The following TTN variants were observed in gnomAD, a reference collection of about 807,000 sequenced individuals.
TTN encodes the protein titin.
Under a neutral mutation model 3,223.0 loss-of-function variants are expected in TTN, and 1,525 were observed. The ratio of observed to expected loss-of-function variants is 0.47; its 90% confidence interval spans 0.45 to 0.49. The LOEUF (loss-of-function observed/expected upper bound fraction) is 0.49, where lower values mean the gene tolerates loss of function less well. TTN is among the 20% of genes least tolerant of loss of function. The probability of loss-of-function intolerance (pLI) is 0.00; values close to 1 mark genes in which losing one functional copy is unlikely to be tolerated. For synonymous variants in TTN, 14,094 were observed against 15,161.0 expected, an observed-to-expected ratio of 0.93 and a Z score of 5.17; for missense variants, 40,786 against 43,424.0, an observed-to-expected ratio of 0.94 and a Z score of 5.40.
rs72648982 is a variant in TTN, at chr2:178,718,126, T to C, written c.24880A>G (p.Arg8294Gly). 0.027 allele frequency: 44,063 copies of C among 1,611,002 alleles called. 671 individuals are homozygous for C. The highest frequency in any genetic ancestry group is 0.052 in the Middle Eastern group (314 of 6,056). ...QCKVDGTPEI[R>G]ISWYKEHTKL... is the part of the protein sequence containing the mutation. ...GTGTGTTCTTTATACCAAGAAATTC[T>C]AATTTCTGGAGTTCCATCCACTTTA... Residue 8294 changes from arginine to glycine, a missense_variant, in exon 86 of 363, where the codon AGA becomes GGA. Arg to Gly is a moderately radical substitution (Grantham distance 125). Coordinates refer to ENST00000589042, the MANE Select transcript of TTN (RefSeq NM_001267550.2).
rs1026649081 is a variant in TTN, at chr2:178,574,588, A to C, written c.71544T>G (p.His23848Gln). ...VTKDSMTISW[H>Q]EPLSDGGSPI... ...GGCTTCCACCATCAGAAAGTGGCTC[A>C]TGCCAGCTAATTGTCATTGAATCCT... The change falls in exon 326 of 363, where the codon CAT becomes CAG. Residue 23848 changes from histidine (H) to glutamine (Q), a missense_variant. Physicochemically the swap from His to Gln is conservative, Grantham distance 24 (BLOSUM62 0). Coordinates refer to ENST00000589042, the MANE Select transcript of TTN (RefSeq NM_001267550.2). 4.3e-6 allele frequency: 7 copies of C among 1,613,354 alleles called. No homozygotes were observed. The African/African-American group carries it at 8.0e-5, about 18-fold the overall frequency.
At position 178,571,202 on chromosome 2, in the gene TTN, A is replaced by G. The variant is rs1156726146; in HGVS notation, c.74930T>C (p.Val24977Ala). ...KFKTTGLEEG[V>A]EYEFRVSAEN... ...TGCAGAGACTCTAAATTCATATTCA[A>G]CACCTTCTTCAAGGCCAGTTGTCTT... The change falls in exon 326 of 363, where the codon GTT (valine) becomes GCT (alanine). Residue 24977 changes from valine to alanine, a missense_variant. Val to Ala is a moderately conservative substitution (Grantham distance 64). Transcript: ENST00000589042. 3 of 1,613,502 alleles carry G rather than the reference A, an allele frequency of 1.9e-6. No homozygotes were observed. Among genetic ancestry groups the G allele is most frequent in the African/African-American group, 2.7e-5 (2 of 74,986 alleles).
In TTN at chr2:178,692,019, T is replaced by C; in HGVS notation, c.31759A>G (p.Lys10587Glu). 1 of 1,611,860 alleles carries C rather than the reference T, an allele frequency of 6.2e-7. No homozygotes were observed. The highest frequency in any genetic ancestry group is 2.2e-5 in the East Asian group (1 of 44,858). Residue 10587 changes from lysine (K) to glutamate (E), a missense_variant, in exon 121 of 363, where the codon AAA becomes GAA. Lys to Glu is a moderately conservative substitution (Grantham distance 56). Coordinates refer to ENST00000589042, the MANE Select transcript of TTN (RefSeq NM_001267550.2). ...VPKKEPAAPP[K>E]VPEVPKKPVP... ...CCCATCATTGGCTCTGGCGTACCTT[T>C]TGGGGGAGCAGCAGGTTCCTTCTTA... is the stretch of plus-strand genomic sequence containing the variant.
At chr2:178,642,210 T>G in intron 219 of TTN, 27 bp downstream of exon 219, 1 of 1,549,800 alleles carries the variant, frequency 6.5e-7, no homozygotes, top group Non-Finnish European at 8.7e-7. Flanking sequence ...TACTTAACGC[T>G]GACAGAATGG....
Position 178,674,374 on chromosome 2 carries a change from CT to C in TTN, c.34647del (p.Glu11550LysfsTer10). Reference sequence around the variant, plus strand: ...CTAGGTGGTTCTTCTGGGATTTCTTCTTCTGAAATAGGCTCTTCTTCAGGCT... The same window carrying C: ...CTAGGTGGTTCTTCTGGGATTTCTTCTCTGAAATAGGCTCTTCTTCAGGCT... ...TEEPEEEPIS[E>X]EEIPEEPPSI... is the part of the protein sequence containing the mutation. On this transcript the variant is annotated frameshift_variant, in exon 151 of 363. Transcript: ENST00000589042. LOFTEE classifies it high-confidence loss of function. The C allele has an allele frequency of 6.3e-7, 1 of 1,595,284 alleles. No homozygotes were observed. Among genetic ancestry groups the C allele is most frequent in the Admixed American group, 1.7e-5 (1 of 58,756 alleles).
intron 37 of TTN, 65 bp downstream of exon 37, chr2:178,769,614 G>A (rs2091145360): frequency 1.5e-6 from 2 of 1,306,736 alleles, no homozygotes; most frequent in South Asian, 3.4e-5. Context: ...GAATATCAAT[G>A]AATCTACTGA....
chr2:178,619,680 T>G lies in TTN; in HGVS notation c.46637A>C (p.Gln15546Pro), dbSNP rs2057979047. 6.2e-7 allele frequency: 1 copy of G among 1,612,174 alleles called. No individual in the cohort carries two copies. Among genetic ancestry groups the G allele is most frequent in the Admixed American group, 1.7e-5 (1 of 59,858 alleles). ...LQICDIKPRDQGEYRFIAKDK... is the reference protein window; with the variant it reads ...LQICDIKPRDPGEYRFIAKDK... ...TTTGGCAATAAATCTGTATTCACCCTGGTCACGGGGCTTAATATCACAAAT... is the reference window on the plus strand; with the variant it reads ...TTTGGCAATAAATCTGTATTCACCCGGGTCACGGGGCTTAATATCACAAAT... Residue 15546 changes from glutamine to proline, a missense_variant, in exon 250 of 363, where the codon CAG (glutamine) becomes CCG (proline). Coordinates refer to ENST00000589042, the MANE Select transcript of TTN (RefSeq NM_001267550.2).
At chr2:178,719,861 A>C in intron 81 of TTN, 29 bp from the exon 82 acceptor site, 1 of 1,581,310 alleles carries the variant, frequency 6.3e-7, no homozygotes, top group South Asian at 1.2e-5. Flanking sequence ...TGCATTGAAA[A>C]CAAAGTAACC....
chr2:178,617,173 C>T lies in TTN; in HGVS notation c.47822G>A (p.Gly15941Asp). ...LYRVSAENKA[G>D]VSDPSEILGP... Reference sequence around the variant, plus strand: ...AAGAATTTCAGATGGATCTGAAACACCAGCTTTATTTTCTGCAGATACTCT... The same window carrying T: ...AAGAATTTCAGATGGATCTGAAACATCAGCTTTATTTTCTGCAGATACTCT... The change falls in exon 255 of 363, where the codon GGT becomes GAT. Residue 15941 changes from glycine to aspartate, a missense_variant. Coordinates refer to ENST00000589042, the MANE Select transcript of TTN (RefSeq NM_001267550.2). 1 of 1,601,710 alleles carries T rather than the reference C, an allele frequency of 6.2e-7. No individual in the cohort carries two copies. Among genetic ancestry groups the T allele is most frequent in the Non-Finnish European group, 8.5e-7 (1 of 1,173,612 alleles).
rs959014974 is a variant in TTN at position 178,800,701 on chromosome 2, A to G, written c.296-19T>C. The G allele has an allele frequency of 5.6e-6, 9 of 1,600,012 alleles. No individual in the cohort carries two copies. The Admixed American group carries it at 6.8e-5, about 12-fold the overall frequency. On this transcript the variant is annotated intron_variant, in intron 3 of 362. Transcript: ENST00000589042. ...GTCTCAGCTGCGGGGACAAGAGAAC[A>G]AAGTCAAGAGTGAGAGCCAGGGTGC...
chr2:178,598,150 T>A, intron 292 of TTN, 92 bp from the exon 293 acceptor site: 1 of 1,409,250 alleles, frequency 7.1e-7, no homozygotes, highest in Non-Finnish European at 9.6e-7. Context: ...GCAGCCTATT[T>A]AACTGTTTAC....
rs1268956380 is a variant in TTN, at chr2:178,659,406, C to T, written c.37286-151G>A. Among the ~76,000 whole-genome samples the T allele has an allele frequency of 1.3e-4, 19 of 140,988 alleles. 1 individual carries two copies. Among genetic ancestry groups the T allele is most frequent in the African/African-American group, 2.7e-4 (11 of 40,172 alleles). The allele number at this position is 140,988 out of a possible 152,430, so 92.5% of individuals were successfully genotyped here. A position where few individuals can be genotyped will look rare whatever the true frequency, so the allele number is the denominator to read the frequency against. ...GATTCAACATACAAAAATCAATAAA[C>T]GTAATCCATCATATAAACAGAACCA... On this transcript the variant is annotated intron_variant, in intron 180 of 362. Coordinates refer to ENST00000589042, the MANE Select transcript of TTN (RefSeq NM_001267550.2).
intron 145 of TTN, 22 bp from the exon 146 acceptor site, chr2:178,677,939 G>T (rs919802230): frequency 6.4e-7 from 1 of 1,570,968 alleles, no homozygotes; most frequent in African/African-American, 1.4e-5. Context: ...TTTATTCAAG[G>T]GTACAAACAT....
intron 213 of TTN, among the ~76,000 whole-genome samples, chr2:178,647,900 C>A (rs2062272825): frequency 1.3e-5 from 2 of 152,096 alleles, no homozygotes; most frequent in African/African-American, 4.8e-5. Context: ...ACCCAATGAA[C>A]CATTCTTTTG....
chr2:178,750,135 G>A lies in TTN; in HGVS notation c.11311+2989C>T, dbSNP rs764302553. 3.7e-6 allele frequency: 6 copies of A among 1,613,020 alleles called. No individual in the cohort carries two copies. The Admixed American group carries it at 8.4e-5, about 22-fold the overall frequency. On this transcript the variant is annotated intron_variant, in intron 47 of 362. Coordinates refer to ENST00000589042, the MANE Select transcript of TTN (RefSeq NM_001267550.2). ...TCTGTGTCTCCAGAGGGAGGAACTG[G>A]TGGGTTAGTTTTTAACAAATGAAGA...
Position 178,632,267 on chromosome 2 carries a change from A to C in TTN, c.43627T>G (p.Ser14543Ala). The change falls in exon 236 of 363, where the codon TCA becomes GCA. Residue 14543 changes from serine to alanine, a missense_variant. Coordinates refer to ENST00000589042, the MANE Select transcript of TTN (RefSeq NM_001267550.2). ...DQRLHTTRSV[S>A]MQDEGKTHSI... ...TGAGTTTTCCCTTCGTCTTGCATTG[A>C]GACCGACCTGGTGGTGTGTAGGCGC... The C allele has an allele frequency of 6.2e-7, 1 of 1,609,710 alleles. No homozygotes were observed. Among genetic ancestry groups the C allele is most frequent in the Non-Finnish European group, 8.5e-7 (1 of 1,177,916 alleles).
Position 178,633,482 on chromosome 2 carries a change from G to T in TTN, c.42877C>A (p.Leu14293Ile). 1 of 1,613,300 alleles carries T rather than the reference G, an allele frequency of 6.2e-7. No individual in the cohort carries two copies. The highest frequency in any genetic ancestry group is 1.1e-5 in the South Asian group (1 of 91,064). Residue 14293 changes from leucine (L) to isoleucine (I), a missense_variant, in exon 232 of 363, where the codon CTT becomes ATT. Physicochemically the swap from Leu to Ile is conservative, Grantham distance 5 (BLOSUM62 2). Transcript: ENST00000589042. The part of the protein sequence containing the change: ...RRILKIKKAD[L>I]KDKGEYVCDC... ...CACACATATTCGCCTTTATCTTTAA[G>T]GTCCGCCTTTTTGATTTTTAAGATG...
At position 178,572,929 on chromosome 2, in the gene TTN, G is replaced by A; in HGVS notation, c.73203C>T (p.Ala24401=). Residue 24401 remains alanine (A), a synonymous_variant, in exon 326 of 363, where the codon GCC becomes GCT. Coordinates refer to ENST00000589042, the MANE Select transcript of TTN (RefSeq NM_001267550.2). ...GTTCCCCAAGTCCTTCGGAATTCAT[G>A]GCATAGATGCGGATCTTATATTCCT... ...ENQEYKIRIY[A]MNSEGLGEPA... is the part of the protein sequence containing the mutation. 1 of 1,613,256 alleles carries A rather than the reference G, an allele frequency of 6.2e-7. No individual in the cohort carries two copies. The highest frequency in any genetic ancestry group is 8.5e-7 in the Non-Finnish European group (1 of 1,179,568).
chr2:178,556,781 C>T, intron 330 of TTN, 67 bp downstream of exon 330: 2 of 1,560,598 alleles, frequency 1.3e-6, no homozygotes, highest in Admixed American at 3.5e-5. Context: ...GGATTAGAAC[C>T]AGGAAAAGGT....
Sources: gnomAD v4.1 joint callset for allele counts (sites outside exome capture counted in the v4.1 genomes callset) on GRCh38, gnomAD v4.1.1 for gene constraint, MANE v1.5 for transcripts, NCBI Gene and HGNC (gene_info 2026-07-23, HGNC 2026-07-21) for gene names.